Variants in PAX5 observed in about 807,000 individuals in gnomAD.
PAX5 encodes the protein paired box protein Pax-5.
In PAX5, 9 loss-of-function variants were observed where a neutral mutation model predicts 43.7. The observed-to-expected ratio is 0.21, with a 90% confidence interval of 0.12 to 0.36. PAX5 has a LOEUF of 0.36. Ranked by LOEUF, PAX5 falls within the 10% of genes least tolerant of loss-of-function variation. The probability of loss-of-function intolerance (pLI) is 1.00; values close to 1 mark genes in which losing one functional copy is unlikely to be tolerated. For synonymous variants in PAX5, 228 were observed against 214.3 expected, an observed-to-expected ratio of 1.06 and a Z score of -0.56; for missense variants, 383 against 532.7, an observed-to-expected ratio of 0.72 and a Z score of 2.77.
At chr9:36,998,758 C>T (rs893178203) in intron 5 of PAX5, among the ~76,000 whole-genome samples, 2 of 152,220 alleles carry the variant, frequency 1.3e-5, no homozygotes, top group Admixed American at 6.5e-5. Flanking sequence ...TCAAACGTTT[C>T]GCATCCAAAT....
At chr9:36,916,754 G>A (rs930156413) in intron 7 of PAX5, among the ~76,000 whole-genome samples, 51 of 152,062 alleles carry the variant, frequency 3.4e-4, no homozygotes, top group Middle Eastern at 6.8e-3. Flanking sequence ...GCGTGATCTC[G>A]GCTCATTGCC....
chr9:36,950,044 T>C (rs1206538236), intron 6 of PAX5, among the ~76,000 whole-genome samples: 1 of 152,232 alleles, frequency 6.6e-6, no homozygotes, highest in Non-Finnish European at 1.5e-5. Flanking sequence ...TATTAACCTG[T>C]CATTTAGAAC....
At position 37,034,094 on chromosome 9, in the gene PAX5, T is replaced by TTTTA; in HGVS notation, c.-64_-63insTAAA. 2 of 816,146 alleles carry TTTTA rather than the reference T, an allele frequency of 2.5e-6. No individual in the cohort carries two copies. Among genetic ancestry groups the TTTTA allele is most frequent in the East Asian group, 2.8e-5 (1 of 35,608 alleles). The allele number at this position is 816,146 out of a possible 1,614,324, so 50.6% of individuals were successfully genotyped here. On this transcript the variant is annotated 5_prime_UTR_variant, in exon 1 of 10. Coordinates refer to ENST00000358127, the MANE Select transcript of PAX5 (RefSeq NM_016734.3). The stretch of plus-strand genomic sequence containing the variant: ...AGTTTCCACTTTTTTGTGCCTTTTT[T>TTTTA]TTTCTTTTTTTTTTTTTTTTTTTTT...
chr9:36,983,465 T>C (rs1266221659), intron 5 of PAX5, among the ~76,000 whole-genome samples: 1 of 152,246 alleles, frequency 6.6e-6, no homozygotes, highest in Non-Finnish European at 1.5e-5. Context: ...GATTTTACTT[T>C]TCTTTCCCCT....
chr9:37,018,553 T>C (rs1839585363), intron 2 of PAX5, among the ~76,000 whole-genome samples: 2 of 94,742 alleles, frequency 2.1e-5, no homozygotes, highest in Admixed American at 1.5e-4. Flanking sequence ...TGTGTGCCCA[T>C]CAAATTCTTC....
At chr9:36,849,492 T>C (rs138861572) in intron 8 of PAX5, among the ~76,000 whole-genome samples, 98 of 152,316 alleles carry the variant, frequency 6.4e-4, no homozygotes, top group Middle Eastern at 3.4e-3. Flanking sequence ...TGGCCTCTAG[T>C]AGGCAGGAAT....
intron 2 of PAX5, among the ~76,000 whole-genome samples, chr9:37,018,393 G>A (rs1275105680): frequency 6.6e-6 from 1 of 151,902 alleles, no homozygotes; most frequent in Non-Finnish European, 1.5e-5. Flanking sequence ...CTTGAGCTCT[G>A]TAGACTGAAT....
At chr9:36,896,405 C>T (rs1016627529) in intron 7 of PAX5, among the ~76,000 whole-genome samples, 3 of 151,998 alleles carry the variant, frequency 2.0e-5, no homozygotes, top group Non-Finnish European at 4.4e-5. Context: ...GCAAGGAGGC[C>T]CATACGAGAC....
At chr9:36,980,733 T>C (rs1425774858) in intron 5 of PAX5, among the ~76,000 whole-genome samples, 2 of 152,056 alleles carry the variant, frequency 1.3e-5, no homozygotes, top group Non-Finnish European at 2.9e-5. Context: ...ACAGTGGGAA[T>C]GGCTATCCAG....
intron 6 of PAX5, among the ~76,000 whole-genome samples, chr9:36,953,715 C>G (rs1420482791): frequency 1.3e-5 from 2 of 152,094 alleles, no homozygotes; most frequent in Non-Finnish European, 2.9e-5. Flanking sequence ...ATTACTCATC[C>G]ATTCATGTAT....
intron 5 of PAX5, among the ~76,000 whole-genome samples, chr9:36,977,195 T>A (rs1835508567): frequency 6.6e-6 from 1 of 151,580 alleles, no homozygotes; most frequent in Middle Eastern, 3.2e-3. Context: ...CCCTATTGGA[T>A]CCTCACAAAA....
chr9:37,030,675 GAC>G (rs1840892183), intron 1 of PAX5, among the ~76,000 whole-genome samples: 1 of 152,238 alleles, frequency 6.6e-6, no homozygotes. Flanking sequence ...AGTACTGAAA[GAC>G]AGCCCATTGA....
chr9:37,021,531 A>T (rs1839855541), intron 1 of PAX5, among the ~76,000 whole-genome samples: 1 of 152,204 alleles, frequency 6.6e-6, no homozygotes, highest in Non-Finnish European at 1.5e-5. Context: ...GTTTCCCTGG[A>T]ATTTTTACAA....
chr9:36,857,022 T>C (rs1379604944), intron 8 of PAX5, among the ~76,000 whole-genome samples: 1 of 152,160 alleles, frequency 6.6e-6, no homozygotes. Flanking sequence ...AGGAATAACA[T>C]TGAACTACAT....
At chr9:37,002,963 T>C (rs1275642634) in intron 4 of PAX5, 187 bp from the exon 5 acceptor site, 30 of 632,218 alleles carry the variant, frequency 4.7e-5, no homozygotes, top group Admixed American at 4.1e-4. Flanking sequence ...GCGGGCCGTG[T>C]GCCCCAGTTC....
intron 7 of PAX5, among the ~76,000 whole-genome samples, chr9:36,908,363 G>T (rs1046186056): frequency 6.6e-6 from 1 of 151,906 alleles, no homozygotes; most frequent in Non-Finnish European, 1.5e-5. Context: ...CCTTCATGCT[G>T]TCAAAAGCAC....
intron 7 of PAX5, among the ~76,000 whole-genome samples, chr9:36,915,982 G>A (rs1829702560): frequency 6.6e-6 from 1 of 151,162 alleles, no homozygotes; most frequent in Non-Finnish European, 1.5e-5. Flanking sequence ...AAGGTGGGAG[G>A]ATCACTAGGA....
intron 9 of PAX5, among the ~76,000 whole-genome samples, chr9:36,844,822 T>C (rs1164626837): frequency 6.6e-6 from 1 of 152,148 alleles, no homozygotes; most frequent in Non-Finnish European, 1.5e-5. Context: ...CTCCCCAGCC[T>C]GGCCTTCAAG....
intron 8 of PAX5, among the ~76,000 whole-genome samples, chr9:36,880,930 A>C (rs138990276): frequency 3.4e-4 from 52 of 152,272 alleles, no homozygotes; most frequent in Non-Finnish European, 6.5e-4. Context: ...TGTTAGGAGG[A>C]GATAAGGCCC....
Sources: gnomAD v4.1 joint callset for allele counts (sites outside exome capture counted in the v4.1 genomes callset) on GRCh38, gnomAD v4.1.1 for gene constraint, MANE v1.5 for transcripts, NCBI Gene and HGNC (gene_info 2026-07-23, HGNC 2026-07-21) for gene names.